TBC1D1: variants seen among roughly 807,000 people sequenced by gnomAD.
The protein encoded by TBC1D1 is TBC1 domain family member 1.
Under a neutral mutation model 125.6 loss-of-function variants are expected in TBC1D1, and 89 were observed. That is an observed-to-expected ratio of 0.71 (90% CI 0.60 to 0.85). The LOEUF is 0.85. Among genes scored for constraint, TBC1D1 ranks in the 40% least tolerant of loss-of-function variants. The pLI is 0.00. For missense variants in TBC1D1, 1,377 were observed against 1,469.2 expected (o/e 0.94, Z 1.03); for synonymous variants, 565 against 564.1 (o/e 1.00, Z -0.02).
intron 2 of TBC1D1, among the ~76,000 whole-genome samples, chr4:37,919,188 G>A (rs1228611397): frequency 6.6e-6 from 1 of 152,014 alleles, no homozygotes; most frequent in Admixed American, 6.6e-5. Flanking sequence ...TTTATTTTGG[G>A]ATGAAGTCTC....
At chr4:37,933,433 TACACACACACACAC>T (rs3038289) in intron 2 of TBC1D1, among the ~76,000 whole-genome samples, 28 of 147,364 alleles carry the variant, frequency 1.9e-4, no homozygotes, top group Non-Finnish European at 2.5e-4. Context: ...ACATATGTTT[TACACACACACACAC>T]ACACACACAC....
At chr4:38,023,138 T>A (rs899215441) in intron 6 of TBC1D1, among the ~76,000 whole-genome samples, 1 of 151,648 alleles carries the variant, frequency 6.6e-6, no homozygotes, top group South Asian at 2.1e-4. Flanking sequence ...TTCCAGCTAC[T>A]TGGGAGGCTG....
Position 38,090,005 on chromosome 4 carries a change from C to G in TBC1D1, c.2124C>G (p.Pro708=). Reference sequence around the variant, plus strand: ...TTTGTGAAGATGGGCCCTTTGGCCCCCCACCAGAGGAAAAGAAAAGGACAT... The same window carrying G: ...TTTGTGAAGATGGGCCCTTTGGCCCGCCACCAGAGGAAAAGAAAAGGACAT... Residue 708 remains proline, a synonymous_variant, in exon 13 of 20, where the codon CCC becomes CCG. Transcript: ENST00000261439. The G allele has an allele frequency of 6.2e-7, 1 of 1,614,074 alleles. No individual in the cohort carries two copies.
intron 2 of TBC1D1, among the ~76,000 whole-genome samples, chr4:37,921,012 A>G (rs1455123207): frequency 6.8e-6 from 1 of 146,056 alleles, no homozygotes; most frequent in Non-Finnish European, 1.5e-5. Flanking sequence ...CAGGAGGCTG[A>G]GGCGGGAGAA....
chr4:38,099,030 C>G lies in TBC1D1; in HGVS notation c.2398+2940C>G, dbSNP rs558092857. ...AGATATCTAGATAGAACCTTATAAGCTGGAATGTCTTTTTTAGGAATGGGA... is the reference window on the plus strand; with the variant it reads ...AGATATCTAGATAGAACCTTATAAGGTGGAATGTCTTTTTTAGGAATGGGA... On this transcript the variant is annotated intron_variant, in intron 14 of 19. Coordinates refer to ENST00000261439, the MANE Select transcript of TBC1D1 (RefSeq NM_015173.4). 3.3e-5 allele frequency among the ~76,000 whole-genome samples: 5 copies of G among 152,268 alleles called. No homozygotes were observed. In the South Asian group the frequency reaches 8.3e-4, roughly 25 times the overall value.
In TBC1D1 at chr4:38,047,250, C is replaced by T. The variant is rs543776638; in HGVS notation, c.1629+1347C>T. Among the ~76,000 whole-genome samples, 5 of 152,228 alleles carry T rather than the reference C, an allele frequency of 3.3e-5. No individual in the cohort carries two copies. The East Asian group carries it at 7.7e-4, about 24-fold the overall frequency. On this transcript the variant is annotated intron_variant, in intron 10 of 19. Coordinates refer to ENST00000261439, the MANE Select transcript of TBC1D1 (RefSeq NM_015173.4). ...AGTGCTTCTCAAATTTCAGGTGCTC[C>T]GCCTCCCGGGTTCAGGCCATTCTCT...
chr4:38,053,096 A>G lies in TBC1D1; in HGVS notation c.1911-1103A>G. The G allele has an allele frequency of 7.0e-7, 1 of 1,422,666 alleles. No individual in the cohort carries two copies. The highest frequency in any genetic ancestry group is 2.8e-5 in the East Asian group (1 of 36,004). The allele number at this position is 1,422,666 out of a possible 1,614,324, so 88.1% of individuals were successfully genotyped here. A position where few individuals can be genotyped will look rare whatever the true frequency, so the allele number is the denominator to read the frequency against. ...TTTATCCTAAACTCTTTTTTCAACC[A>G]AACTCTTAGCATCTCCTACCGTAAT... On this transcript the variant is annotated intron_variant, in intron 11 of 19. Coordinates refer to ENST00000261439, the MANE Select transcript of TBC1D1 (RefSeq NM_015173.4).
chr4:38,105,017 A>G (rs1294831405), intron 15 of TBC1D1, among the ~76,000 whole-genome samples: 1 of 152,046 alleles, frequency 6.6e-6, no homozygotes, highest in Non-Finnish European at 1.5e-5. Flanking sequence ...GGCCTCTCAA[A>G]GTGCTGGGAT....
rs559419118 is a variant in TBC1D1, at chr4:37,960,280, C to A, written c.418-54229C>A. 6.8e-4 allele frequency among the ~76,000 whole-genome samples: 103 copies of A among 152,322 alleles called. 1 individual carries two copies. Among genetic ancestry groups the A allele is most frequent in the African/African-American group, 2.4e-3 (101 of 41,564 alleles). On this transcript the variant is annotated intron_variant, in intron 2 of 19. Coordinates refer to ENST00000261439, the MANE Select transcript of TBC1D1 (RefSeq NM_015173.4). ...AGGTTTGTCTGACCTCAGGCCTGTG[C>A]TCTTTATATGAGTTCATGCTAACTC... is the stretch of plus-strand genomic sequence containing the variant.
At chr4:38,041,113 T>A (rs1748278385) in intron 8 of TBC1D1, among the ~76,000 whole-genome samples, 1 of 152,250 alleles carries the variant, frequency 6.6e-6, no homozygotes, top group Non-Finnish European at 1.5e-5. Context: ...TGAATGTCGC[T>A]TTTATGAGAA....
chr4:38,030,061 C>A (rs989471972), intron 7 of TBC1D1, among the ~76,000 whole-genome samples: 1 of 152,166 alleles, frequency 6.6e-6, no homozygotes, highest in Non-Finnish European at 1.5e-5. Flanking sequence ...TTTAAGAAAC[C>A]ATCTTTCTAT....
At chr4:38,012,949 A>C (rs1368902177) in intron 2 of TBC1D1, among the ~76,000 whole-genome samples, 2 of 152,022 alleles carry the variant, frequency 1.3e-5, no homozygotes, top group Admixed American at 1.3e-4. Context: ...ACCTGCCACC[A>C]CGCCCAGCTA....
intron 12 of TBC1D1, among the ~76,000 whole-genome samples, chr4:38,081,353 G>A (rs961965207): frequency 1.3e-5 from 2 of 152,080 alleles, no homozygotes; most frequent in African/African-American, 4.8e-5. Flanking sequence ...TGACAGAGGA[G>A]AGTCAGCCAG....
At position 37,991,330 on chromosome 4, in the gene TBC1D1, G is replaced by C. The variant is rs1358868856; in HGVS notation, c.418-23179G>C. Among the ~76,000 whole-genome samples the C allele has an allele frequency of 2.0e-5, 3 of 152,184 alleles. No individual in the cohort carries two copies. In the East Asian group the frequency reaches 5.8e-4, roughly 29 times the overall value. The stretch of plus-strand genomic sequence containing the variant: ...GGCTTGGGTGTGGGTGTTAAGAACA[G>C]TCCACAGTGTCCTGGAGTACCTCTC... On this transcript the variant is annotated intron_variant, in intron 2 of 19. Coordinates refer to ENST00000261439, the MANE Select transcript of TBC1D1 (RefSeq NM_015173.4).
chr4:37,973,080 A>G (rs1385256139), intron 2 of TBC1D1, among the ~76,000 whole-genome samples: 1 of 152,160 alleles, frequency 6.6e-6, no homozygotes, highest in African/African-American at 2.4e-5. Flanking sequence ...ATTTCTTAAA[A>G]TATTTGGTGT....
chr4:38,014,735 A>G lies in TBC1D1; in HGVS notation c.644A>G (p.Asn215Ser). 1 of 1,409,392 alleles carries G rather than the reference A, an allele frequency of 7.1e-7. No homozygotes were observed. Among genetic ancestry groups the G allele is most frequent in the Admixed American group, 1.8e-5 (1 of 55,064 alleles). The allele number at this position is 1,409,392 out of a possible 1,614,324, so 87.3% of individuals were successfully genotyped here. The change falls in exon 3 of 20, where the codon AAC becomes AGC. Residue 215 changes from asparagine to serine, a missense_variant. By Grantham distance (46) the Asn-to-Ser change is conservative. Around this residue, in one of 3 missense-constraint regions of TBC1D1, gnomAD observed 822 missense variants for 824.6 expected, o/e 1.00. Coordinates refer to ENST00000261439, the MANE Select transcript of TBC1D1 (RefSeq NM_015173.4). This position sits in a 1 kb window ranked among gnomAD's most constrained non-coding sequence, Gnocchi z 5.1. ...CGGGGGTCCGAGAGCCCCCGCCCCA[A>G]CCCGCCCCATGCCGCGCCCACAGGG...
At chr4:38,058,163 G>A (rs1752086279) in intron 12 of TBC1D1, among the ~76,000 whole-genome samples, 1 of 152,156 alleles carries the variant, frequency 6.6e-6, no homozygotes, top group African/African-American at 2.4e-5. Context: ...GTTAGCAGTG[G>A]GACTGGAGCT....
At chr4:37,901,890 C>T (rs1263129900) in intron 1 of TBC1D1, 113 bp from the exon 2 acceptor site, 10 of 499,114 alleles carry the variant, frequency 2.0e-5, no homozygotes, top group South Asian at 3.5e-5. Context: ...TTATTTGAAC[C>T]TCTTATTATA....
At chr4:37,892,938 T>G (rs73810018) in intron 1 of TBC1D1, among the ~76,000 whole-genome samples, 2,332 of 152,284 alleles carry the variant, frequency 0.015, 52 homozygotes, top group African/African-American at 0.053. Flanking sequence ...AAGGCTGCAA[T>G]GACAATGAGA....
Sources: gnomAD v4.1 joint callset for allele counts (sites outside exome capture counted in the v4.1 genomes callset) on GRCh38, gnomAD v4.1.1 for gene constraint, gnomAD v4.1.1 regional missense constraint, Gnocchi (gnomAD v3.1) non-coding constraint, MANE v1.5 for transcripts, NCBI Gene and HGNC (gene_info 2026-07-23, HGNC 2026-07-21) for gene names.